ARFRP1: variants seen among roughly 807,000 people sequenced by gnomAD.
ARFRP1 encodes ARF related protein 1.
Under a neutral mutation model 30.3 loss-of-function variants are expected in ARFRP1, and 19 were observed. The ratio of observed to expected loss-of-function variants is 0.63; its 90% CI spans 0.44 to 0.92. The LOEUF (loss-of-function observed/expected upper bound fraction) is 0.92, where lower values mean the gene tolerates loss of function less well. Ranked by LOEUF, ARFRP1 falls within the 40% of genes least tolerant of loss-of-function variation. ARFRP1 has a pLI of 0.00. For missense variants in ARFRP1, 245 were observed against 267.5 expected, an observed-to-expected ratio of 0.92 and a Z score of 0.59; for synonymous variants, 133 against 114.2, an observed-to-expected ratio of 1.16 and a Z score of -1.05.
At position 63,701,814 on chromosome 20, in the gene ARFRP1, C is replaced by A; in HGVS notation, c.417+16G>T. ...GGACTCGGGAAGCTGCTGCGGGAGGCAGGGGTGGGGCTCACCTCCACATCC... is the reference window on the plus strand; with the variant it reads ...GGACTCGGGAAGCTGCTGCGGGAGGAAGGGGTGGGGCTCACCTCCACATCC... On this transcript the variant is annotated intron_variant, in intron 6 of 7. Transcript: ENST00000622789. 1.0e-5 allele frequency: 16 copies of A among 1,549,182 alleles called. No individual in the cohort carries two copies. Among genetic ancestry groups the A allele is most frequent in the Non-Finnish European group, 1.4e-5 (16 of 1,146,348 alleles).
At chr20:63,702,558 T>C (rs2091265806) in intron 4 of ARFRP1, 1 of 338,614 alleles carries the variant, frequency 3.0e-6, no homozygotes, top group Non-Finnish European at 5.7e-6. Context: ...ACGGCCAACC[T>C]GGGCAACACA....
At chr20:63,703,030 G>C (rs1011343592) in intron 4 of ARFRP1, 1 of 152,278 alleles carries the variant, frequency 6.6e-6, no homozygotes, top group Non-Finnish European at 1.5e-5. Context: ...CCCTGGACCA[G>C]ATGAGTGCAC....
At position 63,698,730 on chromosome 20, in the gene ARFRP1, G is replaced by T; in HGVS notation, c.*1713C>A. Reference sequence around the variant, plus strand: ...ACTGGGAGGGCAGCCGGGGACACCTGAGCCGCCCGCTGTGCCCAGATCCCT... The same window carrying T: ...ACTGGGAGGGCAGCCGGGGACACCTTAGCCGCCCGCTGTGCCCAGATCCCT... On this transcript the variant is annotated 3_prime_UTR_variant, in exon 8 of 8. Coordinates refer to ENST00000622789, the MANE Select transcript of ARFRP1 (RefSeq NM_001267547.3). 1 of 817,594 alleles carries T rather than the reference G, an allele frequency of 1.2e-6. No individual in the cohort carries two copies. Among genetic ancestry groups the T allele is most frequent in the Non-Finnish European group, 1.7e-6 (1 of 575,176 alleles). The allele number at this position is 817,594 out of a possible 1,614,324, so 50.6% of individuals were successfully genotyped here.
At position 63,701,895 on chromosome 20, in the gene ARFRP1, C is replaced by T. The variant is rs2091222829; in HGVS notation, c.352G>A (p.Val118Met). The T allele has an allele frequency of 6.5e-7, 1 of 1,549,904 alleles. No individual in the cohort carries two copies. Among genetic ancestry groups the T allele is most frequent in the African/African-American group, 1.4e-5 (1 of 72,918 alleles). ...LAESKQAFEK[V>M]VTSEALCGVP... ...CCGCACAGCGCCTCGCTGGTCACCA[C>T]CTTCTCTGGGGAGGGCAGGAGAGGC... The change falls in exon 6 of 8, where the codon GTG becomes ATG. Residue 118 changes from valine (V) to methionine (M), a missense_variant. By Grantham distance (21) the Val-to-Met change is conservative. Coordinates refer to ENST00000622789, the MANE Select transcript of ARFRP1 (RefSeq NM_001267547.3).
intron 6 of ARFRP1, chr20:63,701,462 G>A (rs2091201698): frequency 2.1e-6 from 1 of 480,848 alleles, no homozygotes; most frequent in Non-Finnish European, 4.1e-6. Flanking sequence ...ACAGGTAAGG[G>A]TCAGAGCTGA....
At chr20:63,700,766 G>C (rs2091166956) in intron 6 of ARFRP1, 64 bp from the exon 7 acceptor site, 16 of 1,575,448 alleles carry the variant, frequency 1.0e-5, no homozygotes, top group African/African-American at 1.3e-5. Context: ...TGTGGGCCCG[G>C]GACTCTCAGA....
At chr20:63,702,517 C>A in intron 4 of ARFRP1, 1 of 393,610 alleles carries the variant, frequency 2.5e-6, no homozygotes, top group Non-Finnish European at 4.7e-6. Flanking sequence ...CTTTGGGAGG[C>A]AGAAGCAGGA....
At chr20:63,701,728 C>T in intron 6 of ARFRP1, 102 bp downstream of exon 6, 1 of 1,085,546 alleles carries the variant, frequency 9.2e-7, no homozygotes, top group Non-Finnish European at 1.4e-6. Context: ...ACCCCCTGGG[C>T]AGTCACTGGG....
At position 63,700,580 on chromosome 20, in the gene ARFRP1, C is replaced by T. The variant is rs199647964; in HGVS notation, c.518+22G>A. ...GGGGGGTCTCGGTCCCCAAAGCCCC[C>T]GCAGGTGCAGCCCCCACTCACCCTG... is the stretch of plus-strand genomic sequence containing the variant. On this transcript the variant is annotated intron_variant, in intron 7 of 7. Coordinates refer to ENST00000622789, the MANE Select transcript of ARFRP1 (RefSeq NM_001267547.3). 1.2e-4 allele frequency: 194 copies of T among 1,610,462 alleles called. 1 individual carries two copies. The Admixed American group carries it at 2.7e-3, about 23-fold the overall frequency.
chr20:63,701,410 G>C (rs1304701442), intron 6 of ARFRP1: 1 of 526,326 alleles, frequency 1.9e-6, no homozygotes, highest in South Asian at 1.5e-5. Context: ...GGCTGCCCTG[G>C]GGGTGGGGCT....
intron 5 of ARFRP1, 117 bp from the exon 6 acceptor site, chr20:63,702,017 C>T (rs2091238480): frequency 7.9e-7 from 1 of 1,259,832 alleles, no homozygotes; most frequent in Non-Finnish European, 1.1e-6. Flanking sequence ...CCCCCCGTCA[C>T]CCACTAGGCA....
rs929272986 is a variant in ARFRP1 at position 63,702,453 on chromosome 20, G to A, written c.265-236C>T. 5 of 551,524 alleles carry A rather than the reference G, an allele frequency of 9.1e-6. No individual in the cohort carries two copies. The Admixed American group carries it at 1.6e-4, about 18-fold the overall frequency. 34.2% of individuals were successfully genotyped at this position (551,524 alleles called of 1,614,324 possible). A position where few individuals can be genotyped will look rare whatever the true frequency, so the allele number is the denominator to read the frequency against. On this transcript the variant is annotated intron_variant, in intron 4 of 7. Transcript: ENST00000622789. ...AACCTTTGGCCTGATGGTGGCCAAA[G>A]GTGAAAGACAGGGATTGGGCCAGGC... is the stretch of plus-strand genomic sequence containing the variant.
chr20:63,701,259 C>T lies in ARFRP1; in HGVS notation c.418-557G>A, dbSNP rs552369233. On this transcript the variant is annotated intron_variant, in intron 6 of 7. Coordinates refer to ENST00000622789, the MANE Select transcript of ARFRP1 (RefSeq NM_001267547.3). ...TACAGGCTGGGGGCAACAGAGCCAC[C>T]CCAGAGAAGGCAGGAAGTGAAGATT... 3.1e-5 allele frequency: 16 copies of T among 524,522 alleles called. No individual in the cohort carries two copies. In the African/African-American group the frequency reaches 3.1e-4, roughly 10 times the overall value. The allele number at this position is 524,522 out of a possible 1,614,324, so 32.5% of individuals were successfully genotyped here.
chr20:63,700,538 G>A lies in ARFRP1; in HGVS notation c.519-8C>T, dbSNP rs1327192411. 2 of 1,610,894 alleles carry A rather than the reference G, an allele frequency of 1.2e-6. No individual in the cohort carries two copies. The highest frequency in any genetic ancestry group is 1.7e-5 in the Admixed American group (1 of 60,016). On this transcript the variant is annotated splice_polypyrimidine_tract_variant and splice_region_variant and intron_variant, in intron 7 of 7. Coordinates refer to ENST00000622789, the MANE Select transcript of ARFRP1 (RefSeq NM_001267547.3). ...CCCTCGCGCACCCCTTTGCTGTGAAGACAGCGGGTGTGAGGCGGGGGGTCT... is the reference window on the plus strand; with the variant it reads ...CCCTCGCGCACCCCTTTGCTGTGAAAACAGCGGGTGTGAGGCGGGGGGTCT...
chr20:63,705,758 G>C (rs774308720), intron 4 of ARFRP1: 1 of 533,114 alleles, frequency 1.9e-6, no homozygotes, highest in South Asian at 1.4e-5. Context: ...AGGAGTGCAG[G>C]GTCCCCAGGT....
At position 63,707,029 on chromosome 20, in the gene ARFRP1, C is replaced by G. The variant is rs143388894; in HGVS notation, c.63G>C (p.Leu21=). 181 of 1,613,908 alleles carry G rather than the reference C, an allele frequency of 1.1e-4. 2 individuals are homozygous for G. In the South Asian group the frequency reaches 1.9e-3, roughly 17 times the overall value. ...TCCCAGCATTGTCCAGGCCCAGGAT[C>G]AGGATGCAGTACTCGTCCTTCTGAA... ...YMFQKDEYCI[L]ILGLDNAGKT... is the part of the protein sequence containing the mutation. Residue 21 remains leucine, a synonymous_variant, in exon 2 of 8, where the codon CTG becomes CTC. Transcript: ENST00000622789.
intron 4 of ARFRP1, chr20:63,703,393 A>C (rs2091303200): frequency 6.6e-6 from 1 of 152,350 alleles, no homozygotes; most frequent in African/African-American, 2.4e-5. Context: ...AGTGGAAAGG[A>C]GGAGGCCCAA....
chr20:63,701,979 T>C, intron 5 of ARFRP1, 79 bp from the exon 6 acceptor site: 1 of 1,332,506 alleles, frequency 7.5e-7, no homozygotes, highest in Non-Finnish European at 1.0e-6. Flanking sequence ...GCGTGGACAC[T>C]GTGACAGCCA....
rs1285902223 is a variant in ARFRP1 at position 63,707,245 on chromosome 20, C to T, written c.-6-148G>A. On this transcript the variant is annotated intron_variant, in intron 1 of 7. Transcript: ENST00000622789. The stretch of plus-strand genomic sequence containing the variant: ...TTCCCGACTCCTCGTCCCTCTCCCA[C>T]CCCGTCCCTCTGTAACTTCTCCCAG... 7 of 649,956 alleles carry T rather than the reference C, an allele frequency of 1.1e-5. No individual in the cohort carries two copies. In the East Asian group the frequency reaches 1.9e-4, roughly 18 times the overall value. The allele number at this position is 649,956 out of a possible 1,614,324, so 40.3% of individuals were successfully genotyped here.
Sources: allele counts gnomAD v4.1 joint callset, GRCh38; gene constraint gnomAD v4.1.1; transcripts MANE v1.5; gene names NCBI Gene and HGNC (gene_info 2026-07-23, HGNC 2026-07-21).